The following MFF variants were observed in gnomAD, a reference collection of about 807,000 sequenced individuals.
MFF encodes the protein chromosome 2 open reading frame 33.
In MFF, 12 loss-of-function variants were observed where a neutral mutation model predicts 36.9. The ratio of observed to expected loss-of-function variants is 0.33; its 90% CI spans 0.21 to 0.53. MFF has a LOEUF of 0.53. MFF is among the 20% of genes least tolerant of loss of function. The pLI, the probability that MFF is intolerant of heterozygous loss-of-function variation, is 0.95. For missense variants in MFF, 348 were observed against 366.6 expected, an observed-to-expected ratio of 0.95 and a Z score of 0.42; for synonymous variants, 99 against 126.2, an observed-to-expected ratio of 0.78 and a Z score of 1.44.
At chr2:227,354,455 A>G (rs2076161552) in intron 7 of MFF, among the ~76,000 whole-genome samples, 1 of 152,214 alleles carries the variant, frequency 6.6e-6, no homozygotes, top group East Asian at 1.9e-4. Flanking sequence ...CTCATTTAGA[A>G]AATTTACTAT....
At chr2:227,354,851 A>G (rs770930577) in intron 7 of MFF, among the ~76,000 whole-genome samples, 5 of 152,176 alleles carry the variant, frequency 3.3e-5, no homozygotes, top group Non-Finnish European at 7.3e-5. Context: ...ACAGTAGAGC[A>G]TAAGTAATTG....
rs1283266783 is a variant in MFF, at chr2:227,355,771, G to A, written c.744+10G>A. ...TTCACTAAGACGACAGGTATTTAGT[G>A]TACCAAATAAGATATATTTCTCAGT... On this transcript the variant is annotated intron_variant, in intron 8 of 8. Transcript: ENST00000304593. 2.7e-6 allele frequency: 4 copies of A among 1,497,918 alleles called. No individual in the cohort carries two copies. The highest frequency in any genetic ancestry group is 1.7e-4 in the Middle Eastern group (1 of 5,790). 92.8% of individuals were successfully genotyped at this position (1,497,918 alleles called of 1,614,324 possible). A position where few individuals can be genotyped will look rare whatever the true frequency, so the allele number is the denominator to read the frequency against.
chr2:227,326,225 G>C (rs1384049021), intron 1 of MFF, among the ~76,000 whole-genome samples: 1 of 147,730 alleles, frequency 6.8e-6, no homozygotes, highest in Non-Finnish European at 1.5e-5. Context: ...ACATTAAAGG[G>C]GAAAAAAAAA....
chr2:227,329,604 A>T, intron 2 of MFF: 1 of 537,834 alleles, frequency 1.9e-6, no homozygotes, highest in African/African-American at 3.3e-5. Context: ...TCTTTTTTAC[A>T]GCTGGAAAAG....
intron 8 of MFF, 119 bp downstream of exon 8, chr2:227,355,880 C>A: frequency 1.6e-6 from 1 of 617,496 alleles, no homozygotes; most frequent in Non-Finnish European, 2.9e-6. Flanking sequence ...AGTAAGCCAT[C>A]ATTGATTTTC....
In MFF at chr2:227,342,899, G is replaced by A. The variant is rs573872401; in HGVS notation, c.440+2519G>A. On this transcript the variant is annotated intron_variant, in intron 5 of 8. Transcript: ENST00000304593. ...TATGTTAATACTAATCTATTCACCA[G>A]GTAATTGACGTATGCTATCCTAATT... 304 of 1,239,540 alleles carry A rather than the reference G, an allele frequency of 2.5e-4. 2 individuals carry two copies. The highest frequency in any genetic ancestry group is 5.4e-5 in the Non-Finnish European group (46 of 856,428). 76.8% of individuals were successfully genotyped at this position (1,239,540 alleles called of 1,614,324 possible).
intron 8 of MFF, among the ~76,000 whole-genome samples, chr2:227,356,181 A>C (rs1245522922): frequency 6.6e-6 from 1 of 152,220 alleles, no homozygotes; most frequent in Non-Finnish European, 1.5e-5. Context: ...CTGCAGTTGC[A>C]CATGCATATT....
At chr2:227,337,083 A>G (rs2075060778) in intron 4 of MFF, among the ~76,000 whole-genome samples, 1 of 152,228 alleles carries the variant, frequency 6.6e-6, no homozygotes, top group South Asian at 2.1e-4. Context: ...AATGGAGCAA[A>G]AGTCTGGAGA....
chr2:227,354,545 G>T (rs1314579193), intron 7 of MFF, among the ~76,000 whole-genome samples: 1 of 152,198 alleles, frequency 6.6e-6, no homozygotes, highest in Non-Finnish European at 1.5e-5. Context: ...GTATCTCAAT[G>T]AAGCTATTAA....
At chr2:227,348,259 A>C (rs2075814557) in intron 6 of MFF, among the ~76,000 whole-genome samples, 1 of 152,200 alleles carries the variant, frequency 6.6e-6, no homozygotes, top group Admixed American at 6.5e-5. Context: ...AGGAACGAAT[A>C]TGACTTCTGA....
chr2:227,341,065 C>T (rs373234410), intron 5 of MFF, among the ~76,000 whole-genome samples: 103 of 152,178 alleles, frequency 6.8e-4, no homozygotes, highest in African/African-American at 2.3e-3. Flanking sequence ...ATCATGTAAG[C>T]GTCTGTGGAA....
intron 6 of MFF, 49 bp from the exon 7 acceptor site, chr2:227,352,465 C>G (rs1384975378): frequency 7.3e-7 from 1 of 1,369,266 alleles, no homozygotes; most frequent in South Asian, 1.3e-5. Flanking sequence ...TATTACTTCT[C>G]TGTTTCCTGA....
At chr2:227,340,238 T>C in intron 4 of MFF, 54 bp from the exon 5 acceptor site, 1 of 1,427,536 alleles carries the variant, frequency 7.0e-7, no homozygotes, top group Non-Finnish European at 9.8e-7. Context: ...GCTAAGCAGC[T>C]ACTAGCCTAC....
intron 4 of MFF, 60 bp from the exon 5 acceptor site, chr2:227,340,232 A>G (rs188675282): frequency 1.4e-6 from 2 of 1,386,548 alleles, no homozygotes; most frequent in Admixed American, 3.6e-5. Context: ...TTTGATGCTA[A>G]GCAGCTACTA....
At chr2:227,346,567 T>C (rs1358178741) in intron 5 of MFF, among the ~76,000 whole-genome samples, 4 of 152,200 alleles carry the variant, frequency 2.6e-5, no homozygotes, top group Admixed American at 1.3e-4. Flanking sequence ...GAAGTGTCCT[T>C]GCCTTCTTTT....
intron 5 of MFF, among the ~76,000 whole-genome samples, chr2:227,341,964 C>A (rs1423970929): frequency 6.6e-6 from 1 of 151,924 alleles, no homozygotes; most frequent in Non-Finnish European, 1.5e-5. Flanking sequence ...TTATTATGTA[C>A]GAAAACCAGT....
At chr2:227,334,225 A>G (rs535988871) in intron 4 of MFF, among the ~76,000 whole-genome samples, 1 of 152,344 alleles carries the variant, frequency 6.6e-6, no homozygotes, top group South Asian at 2.1e-4. Context: ...AATTCGTGTT[A>G]AAAGCTCAAT....
chr2:227,348,669 A>T (rs1291797096), intron 6 of MFF, among the ~76,000 whole-genome samples: 1 of 152,150 alleles, frequency 6.6e-6, no homozygotes, highest in Non-Finnish European at 1.5e-5. Context: ...GTCAGTTAGA[A>T]TTAACCCGGA....
chr2:227,347,091 T>G (rs1221370476), intron 5 of MFF, 135 bp from the exon 6 acceptor site: 1 of 666,170 alleles, frequency 1.5e-6, no homozygotes, highest in Non-Finnish European at 2.5e-6. Context: ...CTTTGACTGT[T>G]TTCTTGTGGG....
Sources: gnomAD v4.1 joint callset for allele counts (sites outside exome capture counted in the v4.1 genomes callset) on GRCh38, gnomAD v4.1.1 for gene constraint, MANE v1.5 for transcripts, NCBI Gene and HGNC (gene_info 2026-07-23, HGNC 2026-07-21) for gene names.